The following CNTNAP2 variants were observed in gnomAD, a reference collection of about 807,000 sequenced individuals.
The protein encoded by CNTNAP2 is contactin associated protein 2, also known as contactin-associated protein-like 2.
CNTNAP2 carries 98 observed loss-of-function variants against 155.2 expected under a neutral mutation model. The observed-to-expected ratio is 0.63, with a 90% CI of 0.54 to 0.75. The LOEUF is 0.75. CNTNAP2 is among the 30% of genes least tolerant of loss of function. The probability of loss-of-function intolerance (pLI) is 0.00; values close to 1 mark genes in which losing one functional copy is unlikely to be tolerated. For missense variants in CNTNAP2, 1,727 were observed against 1,688.1 expected (o/e 1.02, Z -0.40); for synonymous variants, 651 against 631.2 (o/e 1.03, Z -0.47).
At chr7:147,422,185 C>T (rs1320268578) in intron 10 of CNTNAP2, among the ~76,000 whole-genome samples, 2 of 145,718 alleles carry the variant, frequency 1.4e-5, no homozygotes, top group South Asian at 2.1e-4. Context: ...TGTATATATA[C>T]ACTATATAGT....
At chr7:146,294,340 C>T (rs1054361008) in intron 1 of CNTNAP2, among the ~76,000 whole-genome samples, 1 of 152,054 alleles carries the variant, frequency 6.6e-6, no homozygotes. Context: ...ACTGATGAGA[C>T]GAAAGGATAT....
chr7:146,751,115 G>A (rs536407361), intron 1 of CNTNAP2, among the ~76,000 whole-genome samples: 1 of 152,090 alleles, frequency 6.6e-6, no homozygotes, highest in South Asian at 2.1e-4. Flanking sequence ...AGTCTTAATA[G>A]CATGGGAAAA....
chr7:146,231,766 T>G (rs802548), intron 1 of CNTNAP2, among the ~76,000 whole-genome samples: 104,913 of 151,972 alleles, frequency 0.69, 37,366 homozygotes, highest in East Asian at 0.94. Context: ...GAGGATTGGT[T>G]TCTCGTGGCA....
chr7:147,753,280 T>C (rs537551045), intron 13 of CNTNAP2, among the ~76,000 whole-genome samples: 5 of 152,344 alleles, frequency 3.3e-5, no homozygotes, highest in African/African-American at 4.8e-5. Flanking sequence ...AAACTAATTC[T>C]GAGACTCTAC....
chr7:148,131,203 A>G (rs532109548), intron 16 of CNTNAP2, among the ~76,000 whole-genome samples: 177 of 150,092 alleles, frequency 1.2e-3, no homozygotes, highest in African/African-American at 4.0e-3. Context: ...GGTTCAAGCA[A>G]TTCTCCTGCC....
At chr7:148,072,413 G>A (rs1425183036) in intron 15 of CNTNAP2, among the ~76,000 whole-genome samples, 1 of 146,898 alleles carries the variant, frequency 6.8e-6, no homozygotes, top group East Asian at 2.5e-4. Flanking sequence ...GACAAGGTAT[G>A]TTTAAAAAAA....
intron 10 of CNTNAP2, among the ~76,000 whole-genome samples, chr7:147,430,981 G>A (rs1797456190): frequency 6.6e-6 from 1 of 151,676 alleles, no homozygotes; most frequent in Non-Finnish European, 1.5e-5. Flanking sequence ...CTGAGAGGCG[G>A]AGCTTGCAGT....
intron 14 of CNTNAP2, among the ~76,000 whole-genome samples, chr7:147,918,302 G>A (rs567517926): frequency 8.6e-4 from 131 of 152,174 alleles, no homozygotes; most frequent in Non-Finnish European, 1.3e-3. Flanking sequence ...TAGAGAATCC[G>A]GTTTTTTGTA....
chr7:147,092,951 G>A (rs376663604), intron 4 of CNTNAP2, among the ~76,000 whole-genome samples: 11 of 152,078 alleles, frequency 7.2e-5, no homozygotes, highest in African/African-American at 2.4e-4. Flanking sequence ...GGCCGGGCGC[G>A]GTGGCTCACG....
rs116982465 is a variant in CNTNAP2 at position 147,887,121 on chromosome 7, C to T, written c.2099-16444C>T. Among the ~76,000 whole-genome samples, 898 of 152,240 alleles carry T rather than the reference C, an allele frequency of 5.9e-3. 11 individuals carry two copies. The highest frequency in any genetic ancestry group is 0.035 in the Admixed American group (535 of 15,278). ...CTTTAAAACCTACAGTAACAGACTT[C>T]GACTATACAATTAAGGCCAAATAGA... On this transcript the variant is annotated intron_variant, in intron 13 of 23. Transcript: ENST00000361727.
chr7:148,192,738 G>A (rs1795220474), intron 18 of CNTNAP2, among the ~76,000 whole-genome samples: 1 of 152,172 alleles, frequency 6.6e-6, no homozygotes, highest in Non-Finnish European at 1.5e-5. Flanking sequence ...CAGAATGAGA[G>A]AGGAGGCAGT....
chr7:146,285,354 A>C (rs1800309510), intron 1 of CNTNAP2, among the ~76,000 whole-genome samples: 1 of 152,108 alleles, frequency 6.6e-6, no homozygotes, highest in African/African-American at 2.4e-5. Context: ...AGTCCATGAC[A>C]TGGAAAACTA....
At chr7:146,940,385 C>T (rs180797398) in intron 3 of CNTNAP2, among the ~76,000 whole-genome samples, 8 of 151,770 alleles carry the variant, frequency 5.3e-5, no homozygotes, top group Admixed American at 4.6e-4. Flanking sequence ...TTAGTAGAGA[C>T]GGGTTTCACC....
chr7:146,595,312 T>C (rs1798844107), intron 1 of CNTNAP2, among the ~76,000 whole-genome samples: 1 of 152,030 alleles, frequency 6.6e-6, no homozygotes, highest in Non-Finnish European at 1.5e-5. Context: ...ATGCCTCAAA[T>C]CATCCTCCAA....
Position 147,611,532 on chromosome 7 carries a change from A to G in CNTNAP2, c.1898-27574A>G, listed in dbSNP as rs1264941722. Among the ~76,000 whole-genome samples the G allele has an allele frequency of 2.6e-5, 4 of 152,308 alleles. No homozygotes were observed. In the East Asian group the frequency reaches 7.7e-4, roughly 29 times the overall value. Reference sequence around the variant, plus strand: ...TAGAAAATGGCTAATGCTTTCCTACAAAAAAAGACACATATGAGCTCCAAA... The same window carrying G: ...TAGAAAATGGCTAATGCTTTCCTACGAAAAAAGACACATATGAGCTCCAAA... On this transcript the variant is annotated intron_variant, in intron 12 of 23. Transcript: ENST00000361727.
At chr7:147,726,013 T>C (rs569698139) in intron 13 of CNTNAP2, among the ~76,000 whole-genome samples, 22 of 152,054 alleles carry the variant, frequency 1.4e-4, no homozygotes, top group Middle Eastern at 3.4e-3. Context: ...ATAGGTAATA[T>C]CAGCAAATAC....
intron 3 of CNTNAP2, among the ~76,000 whole-genome samples, chr7:146,928,531 A>G (rs1273800845): frequency 6.6e-6 from 1 of 152,178 alleles, no homozygotes; most frequent in Non-Finnish European, 1.5e-5. Flanking sequence ...TGATTTCTGC[A>G]TTTCCATCTG....
chr7:148,253,197 C>T (rs1563012872), intron 20 of CNTNAP2, among the ~76,000 whole-genome samples: 1 of 152,150 alleles, frequency 6.6e-6, no homozygotes. Flanking sequence ...TTCTACCATT[C>T]TTTTCCAAAA....
intron 3 of CNTNAP2, among the ~76,000 whole-genome samples, chr7:146,920,182 G>A (rs1486508941): frequency 1.3e-5 from 2 of 152,126 alleles, no homozygotes; most frequent in Non-Finnish European, 2.9e-5. Flanking sequence ...GGGAGGCCGA[G>A]GAGAGCAGAT....
Sources: gnomAD v4.1 joint callset for allele counts (sites outside exome capture counted in the v4.1 genomes callset) on GRCh38, gnomAD v4.1.1 for gene constraint, MANE v1.5 for transcripts, NCBI Gene and HGNC (gene_info 2026-07-23, HGNC 2026-07-21) for gene names.